EXOC4: variants seen among roughly 807,000 people sequenced by gnomAD.
The protein encoded by EXOC4 is exocyst complex component 4.
In EXOC4, 71 loss-of-function variants were observed where a neutral mutation model predicts 107.2. The ratio of observed to expected loss-of-function variants is 0.66; its 90% CI spans 0.55 to 0.81. The LOEUF is 0.81. EXOC4 is among the 30% of genes least tolerant of loss of function. The pLI, the probability that EXOC4 is intolerant of heterozygous loss-of-function variation, is 0.00. For synonymous variants in EXOC4, 456 were observed against 441.2 expected (o/e 1.03, Z -0.42); for missense variants, 1,108 against 1,189.6 (o/e 0.93, Z 1.01).
At chr7:134,072,896 G>A in the EXOC4 span, among the ~76,000 whole-genome samples, 1 of 152,130 alleles carries the variant, frequency 6.6e-6, no homozygotes, top group African/African-American at 2.4e-5. Context: ...CGCTTACAGC[G>A]CTTCTTGGTT....
In EXOC4 at chr7:133,317,335, T is replaced by TA; in HGVS notation, c.709dup (p.Thr237AsnfsTer7). 1 of 1,613,848 alleles carries TA rather than the reference T, an allele frequency of 6.2e-7. No homozygotes were observed. The highest frequency in any genetic ancestry group is 8.5e-7 in the Non-Finnish European group (1 of 1,179,730). On this transcript the variant is annotated frameshift_variant, in exon 5 of 18. Transcript: ENST00000253861. LOFTEE classifies it high-confidence loss of function. Reference sequence around the variant, plus strand: ...CTCTGATTGATGTTACAAACCTCCCTACTCCTCGAAAATTCCTTGATACCT... The same window carrying TA: ...CTCTGATTGATGTTACAAACCTCCCTAACTCCTCGAAAATTCCTTGATACCT...
At chr7:133,694,887 A>G (rs992717760) in intron 10 of EXOC4, among the ~76,000 whole-genome samples, 19 of 152,072 alleles carry the variant, frequency 1.2e-4, no homozygotes, top group Non-Finnish European at 2.1e-4. Context: ...CAATGGCGCA[A>G]TCTCAGCTCA....
intron 9 of EXOC4, among the ~76,000 whole-genome samples, chr7:133,610,970 C>T (rs1802062984): frequency 7.0e-6 from 1 of 142,154 alleles, no homozygotes; most frequent in Non-Finnish European, 1.5e-5. Context: ...CACCACGATT[C>T]CTGGCTGTTT....
chr7:133,836,815 T>G (rs1368136698), intron 11 of EXOC4, among the ~76,000 whole-genome samples: 1 of 152,082 alleles, frequency 6.6e-6, no homozygotes, highest in African/African-American at 2.4e-5. Flanking sequence ...AGCTAATCCT[T>G]TTATGTTGGA....
At position 134,004,970 on chromosome 7, in the gene EXOC4, G is replaced by C. The variant is rs1563088189; in HGVS notation, c.2407G>C (p.Ala803Pro). ...LAKEGNYAIV[A>P]NVESMDYDPL... ...AAAGGAGGGGAACTATGCCATTGTG[G>C]CTAATGTGGAAAGTATGGATTATGA... The change falls in exon 16 of 18, where the codon GCT becomes CCT. Residue 803 changes from alanine to proline, a missense_variant. Transcript: ENST00000253861. 6.2e-7 allele frequency: 1 copy of C among 1,613,478 alleles called. No individual in the cohort carries two copies. The highest frequency in any genetic ancestry group is 1.3e-5 in the African/African-American group (1 of 74,960).
intron 11 of EXOC4, among the ~76,000 whole-genome samples, chr7:133,862,618 T>C (rs1414295714): frequency 1.3e-5 from 2 of 152,316 alleles, no homozygotes; most frequent in East Asian, 3.9e-4. Flanking sequence ...TTAAACAAAA[T>C]CATTGCTTTC....
intron 7 of EXOC4, among the ~76,000 whole-genome samples, chr7:133,469,595 C>T (rs1584941854): frequency 6.6e-6 from 1 of 152,136 alleles, no homozygotes; most frequent in East Asian, 1.9e-4. Flanking sequence ...CTCATCAATC[C>T]ATAGGTATCT....
intron 11 of EXOC4, among the ~76,000 whole-genome samples, chr7:133,884,068 TAAAC>T (rs1379051991): frequency 6.6e-6 from 1 of 152,174 alleles, no homozygotes; most frequent in Non-Finnish European, 1.5e-5. Context: ...TATGCCCCAA[TAAAC>T]AAAACCATTA....
intron 10 of EXOC4, among the ~76,000 whole-genome samples, chr7:133,673,316 A>G (rs931417832): frequency 5.3e-5 from 8 of 152,244 alleles, no homozygotes; most frequent in Admixed American, 3.3e-4. Flanking sequence ...GTTATTGTGT[A>G]TGGTTAAAAA....
chr7:133,844,960 A>G (rs530403212), intron 11 of EXOC4, among the ~76,000 whole-genome samples: 1 of 152,178 alleles, frequency 6.6e-6, no homozygotes, highest in African/African-American at 2.4e-5. Context: ...TGTATCAAAT[A>G]TGAATTTTAT....
chr7:133,810,991 G>GT (rs1021354959), intron 10 of EXOC4, among the ~76,000 whole-genome samples: 2 of 152,006 alleles, frequency 1.3e-5, no homozygotes, highest in African/African-American at 4.8e-5. Flanking sequence ...CGCATTTTTT[G>GT]TTTTTTTGTT....
At chr7:133,528,136 TA>T (rs1306030640) in intron 9 of EXOC4, among the ~76,000 whole-genome samples, 1 of 152,194 alleles carries the variant, frequency 6.6e-6, no homozygotes, top group Non-Finnish European at 1.5e-5. Context: ...ACTCACCTGA[TA>T]ATCTTTGGCT....
At chr7:133,557,713 G>A (rs1038022882) in intron 9 of EXOC4, among the ~76,000 whole-genome samples, 13 of 152,030 alleles carry the variant, frequency 8.6e-5, no homozygotes, top group African/African-American at 1.7e-4. Context: ...ACAAATGGCC[G>A]GGCGCGGTGG....
At chr7:133,583,129 T>G (rs775674289) in intron 9 of EXOC4, among the ~76,000 whole-genome samples, 16 of 152,240 alleles carry the variant, frequency 1.1e-4, no homozygotes, top group Non-Finnish European at 1.9e-4. Flanking sequence ...GTGTTTTTTT[T>G]CTTTGTTTCT....
intron 10 of EXOC4, among the ~76,000 whole-genome samples, chr7:133,641,162 T>C (rs939766835): frequency 3.9e-5 from 6 of 152,150 alleles, no homozygotes; most frequent in Admixed American, 2.0e-4. Flanking sequence ...ATGGACCCAA[T>C]TGAGAGACCC....
chr7:133,269,147 C>T (rs1205847910), intron 1 of EXOC4, among the ~76,000 whole-genome samples: 1 of 152,096 alleles, frequency 6.6e-6, no homozygotes, highest in Non-Finnish European at 1.5e-5. Flanking sequence ...AAATCTTGCC[C>T]AGATTCAAGA....
chr7:133,532,989 C>T (rs1157006081), intron 9 of EXOC4, among the ~76,000 whole-genome samples: 1 of 151,942 alleles, frequency 6.6e-6, no homozygotes, highest in Non-Finnish European at 1.5e-5. Context: ...CCAGAAACAG[C>T]CCTGCCATTG....
intron 9 of EXOC4, among the ~76,000 whole-genome samples, chr7:133,626,974 C>G (rs1240884783): frequency 6.6e-6 from 1 of 152,204 alleles, no homozygotes; most frequent in African/African-American, 2.4e-5. Context: ...TTCACACATA[C>G]TGTCTCATCT....
At chr7:133,435,450 A>T (rs1341366018) in intron 7 of EXOC4, among the ~76,000 whole-genome samples, 1 of 152,216 alleles carries the variant, frequency 6.6e-6, no homozygotes. Context: ...GCAAAGGCAG[A>T]GAACCAAGGT....
Sources: allele counts gnomAD v4.1 joint callset (sites outside exome capture counted in the v4.1 genomes callset), GRCh38; gene constraint gnomAD v4.1.1; transcripts MANE v1.5; gene names NCBI Gene and HGNC (gene_info 2026-07-23, HGNC 2026-07-21).